The following DENND3 variants were observed in gnomAD, a reference collection of about 807,000 sequenced individuals.
DENND3 encodes the protein DENN domain containing 3.
In DENND3, 88 loss-of-function variants were observed where a neutral mutation model predicts 135.1. That is an observed-to-expected ratio of 0.65 (90% CI 0.55 to 0.78). The LOEUF (loss-of-function observed/expected upper bound fraction) is 0.78, where lower values mean the gene tolerates loss of function less well. Among genes scored for constraint, DENND3 ranks in the 30% least tolerant of loss-of-function variants. DENND3 has a pLI of 0.00. For synonymous variants in DENND3, 693 were observed against 712.3 expected (o/e 0.97, Z 0.43); for missense variants, 1,392 against 1,688.4 (o/e 0.82, Z 3.08).
In DENND3 at chr8:141,139,075, G is replaced by A. The variant is rs1205100299; in HGVS notation, c.501+938G>A. Among the ~76,000 whole-genome samples the A allele has an allele frequency of 6.6e-6, 1 of 152,166 alleles. No homozygotes were observed. Among genetic ancestry groups the A allele is most frequent in the African/African-American group, 2.4e-5 (1 of 41,442 alleles). On this transcript the variant is annotated intron_variant, in intron 3 of 22. Coordinates refer to ENST00000519811, the MANE Select transcript of DENND3 (RefSeq NM_001352890.3). The surrounding 1 kb of genome is among the most constrained non-coding windows in gnomAD (Gnocchi z 4.2). ...GAAACGATGTATCCAAAGGTGCAGG[G>A]TGACCTGCTGCACACGTCCAGAGGG...
chr8:141,178,726 C>A (rs533568937), intron 16 of DENND3, among the ~76,000 whole-genome samples: 2 of 152,212 alleles, frequency 1.3e-5, no homozygotes, highest in South Asian at 2.1e-4. Context: ...ATTGGGTCAG[C>A]TTCCCCAGAC....
chr8:141,143,621 G>A (rs2024986651), intron 4 of DENND3, among the ~76,000 whole-genome samples: 1 of 152,060 alleles, frequency 6.6e-6, no homozygotes, highest in Non-Finnish European at 1.5e-5. Context: ...GCGCAGGCTG[G>A]CCTTGAACTC....
chr8:141,157,959 C>T, intron 8 of DENND3: 5 of 992,566 alleles, frequency 5.0e-6, no homozygotes, highest in Admixed American at 5.0e-5. Flanking sequence ...AGGGTTTCAC[C>T]ATGTTGGCCA....
Position 141,144,142 on chromosome 8 carries a change from T to A in DENND3, c.624-6T>A. The A allele has an allele frequency of 6.2e-7, 1 of 1,602,246 alleles. No individual in the cohort carries two copies. Among genetic ancestry groups the A allele is most frequent in the East Asian group, 2.2e-5 (1 of 44,684 alleles). On this transcript the variant is annotated splice_region_variant and splice_polypyrimidine_tract_variant and intron_variant, in intron 4 of 22. Coordinates refer to ENST00000519811, the MANE Select transcript of DENND3 (RefSeq NM_001352890.3). The surrounding 1 kb of genome is among the most constrained non-coding windows in gnomAD (Gnocchi z 4.4). ...TGCGGTTTGAGTTTTGTGTTTCGAA[T>A]TTCAGTTTATTGGCTCTTCTGAAGC...
chr8:141,150,718 T>G, intron 5 of DENND3, 116 bp from the exon 6 acceptor site: 1 of 1,319,700 alleles, frequency 7.6e-7, no homozygotes, highest in Non-Finnish European at 1.0e-6. Context: ...GCAGCCTGTG[T>G]CTTCAGAAAT....
chr8:141,141,369 T>C lies in DENND3; in HGVS notation c.623+45T>C. The stretch of plus-strand genomic sequence containing the variant: ...GCCAGGGGTGGTAGGGGGCAGCTCT[T>C]TGTGCCTCTCCAGGTGAGCCAAGGG... On this transcript the variant is annotated intron_variant, in intron 4 of 22. Transcript: ENST00000519811. The surrounding 1 kb of genome is among the most constrained non-coding windows in gnomAD (Gnocchi z 5.3). The C allele has an allele frequency of 2.0e-6, 3 of 1,533,952 alleles. No individual in the cohort carries two copies. Among genetic ancestry groups the C allele is most frequent in the Non-Finnish European group, 2.6e-6 (3 of 1,133,706 alleles).
intron 13 of DENND3, among the ~76,000 whole-genome samples, chr8:141,170,110 T>C (rs550627141): frequency 1.4e-4 from 21 of 152,262 alleles, no homozygotes; most frequent in Non-Finnish European, 2.5e-4. Context: ...TCACAAACAG[T>C]GCACGTGCTT....
At position 141,192,564 on chromosome 8, in the gene DENND3, G is replaced by C; in HGVS notation, c.3537G>C (p.Glu1179Asp). ...QLWAACAGRSEVYIWSLKDLA... is the reference protein window; with the variant it reads ...QLWAACAGRSDVYIWSLKDLA... ...GGGCGGCCTGTGCAGGACGCAGCGA[G>C]GTTTACATCTGGAGCCTGAAGGACC... The change falls in exon 22 of 23, where the codon GAG becomes GAC. Residue 1179 changes from glutamate to aspartate, a missense_variant. Physicochemically the swap from Glu to Asp is conservative, Grantham distance 45. Transcript: ENST00000519811. 1 of 1,581,536 alleles carries C rather than the reference G, an allele frequency of 6.3e-7. No individual in the cohort carries two copies. Among genetic ancestry groups the C allele is most frequent in the Non-Finnish European group, 8.6e-7 (1 of 1,161,396 alleles).
rs1258373864 is a variant in DENND3 at position 141,167,385 on chromosome 8, C to A, written c.1754-619C>A. ...CCCTGGAGCCCCCATGACCCTCCTC[C>A]TGCTCTCTTGGTCCTCTGGAGCTCC... On this transcript the variant is annotated intron_variant, in intron 12 of 22. Transcript: ENST00000519811. This position sits in a 1 kb window ranked among gnomAD's most constrained non-coding sequence, Gnocchi z 4.1. Among the ~76,000 whole-genome samples, 1 of 152,224 alleles carries A rather than the reference C, an allele frequency of 6.6e-6. No individual in the cohort carries two copies. Among genetic ancestry groups the A allele is most frequent in the Non-Finnish European group, 1.5e-5 (1 of 68,022 alleles).
intron 5 of DENND3, among the ~76,000 whole-genome samples, chr8:141,148,979 C>T (rs943755802): frequency 2.0e-5 from 3 of 151,212 alleles, no homozygotes; most frequent in South Asian, 2.1e-4. Flanking sequence ...GGCACAGTCT[C>T]GGCTCACCGC....
At position 141,168,711 on chromosome 8, in the gene DENND3, C is replaced by T. The variant is rs988363442; in HGVS notation, c.2275+186C>T. Among the ~76,000 whole-genome samples the T allele has an allele frequency of 1.3e-4, 20 of 152,118 alleles. No homozygotes were observed. Among genetic ancestry groups the T allele is most frequent in the Admixed American group, 4.6e-4 (7 of 15,292 alleles). On this transcript the variant is annotated intron_variant, in intron 13 of 22. Transcript: ENST00000519811. This position sits in a 1 kb window ranked among gnomAD's most constrained non-coding sequence, Gnocchi z 6.2. ...GACTACAGGTACGCGACACCGTGCC[C>T]GGCTAATTTTAGTATTTTTTGTAGA... is the stretch of plus-strand genomic sequence containing the variant.
rs1201132437 is a variant in DENND3, at chr8:141,144,922, C to T, written c.735+663C>T. Among the ~76,000 whole-genome samples the T allele has an allele frequency of 6.6e-6, 1 of 152,192 alleles. No individual in the cohort carries two copies. Among genetic ancestry groups the T allele is most frequent in the Non-Finnish European group, 1.5e-5 (1 of 68,038 alleles). On this transcript the variant is annotated intron_variant, in intron 5 of 22. Coordinates refer to ENST00000519811, the MANE Select transcript of DENND3 (RefSeq NM_001352890.3). The surrounding 1 kb of genome is among the most constrained non-coding windows in gnomAD (Gnocchi z 4.4). The stretch of plus-strand genomic sequence containing the variant: ...TATAGCATCCATGACAGATAGCAGA[C>T]CCTGAAGAAAATCAAAGTATTTTAC...
intron 17 of DENND3, 139 bp from the exon 18 acceptor site, chr8:141,185,000 C>G (rs913881302): frequency 9.0e-7 from 1 of 1,105,732 alleles, no homozygotes; most frequent in Admixed American, 2.5e-5. Flanking sequence ...TCTGCCTGGG[C>G]ACGTCTTTGT....
At chr8:141,148,584 T>C (rs1389466398) in intron 5 of DENND3, among the ~76,000 whole-genome samples, 1 of 152,160 alleles carries the variant, frequency 6.6e-6, no homozygotes, top group African/African-American at 2.4e-5. Context: ...AAGCTGAGAT[T>C]TGGAAACTGT....
At chr8:141,153,487 G>A (rs1310614380) in intron 7 of DENND3, among the ~76,000 whole-genome samples, 1 of 152,214 alleles carries the variant, frequency 6.6e-6, no homozygotes, top group African/African-American at 2.4e-5. Flanking sequence ...CAGCTTCGCA[G>A]TCACCCCCAG....
intron 8 of DENND3, among the ~76,000 whole-genome samples, chr8:141,160,016 C>T (rs999371633): frequency 6.6e-6 from 1 of 152,150 alleles, no homozygotes; most frequent in Non-Finnish European, 1.5e-5. Flanking sequence ...CAAGAGGCAG[C>T]CTGACCTGGA....
intron 8 of DENND3, among the ~76,000 whole-genome samples, chr8:141,158,553 C>T (rs1216079769): frequency 6.6e-6 from 1 of 152,206 alleles, no homozygotes; most frequent in African/African-American, 2.4e-5. Context: ...ACAAGCTAAT[C>T]CCTGTGCCAT....
chr8:141,132,637 G>A (rs896032287), intron 1 of DENND3, among the ~76,000 whole-genome samples: 2 of 152,170 alleles, frequency 1.3e-5, no homozygotes, highest in African/African-American at 2.4e-5. Context: ...GATTACAGGC[G>A]TGAGCCACTG....
At chr8:141,159,319 G>A (rs1004515936) in intron 8 of DENND3, among the ~76,000 whole-genome samples, 2 of 152,182 alleles carry the variant, frequency 1.3e-5, no homozygotes, top group African/African-American at 4.8e-5. Context: ...CCATCACAGA[G>A]AAGATTGGCT....
Sources: allele counts gnomAD v4.1 joint callset (sites outside exome capture counted in the v4.1 genomes callset), GRCh38; gene constraint gnomAD v4.1.1; non-coding constraint Gnocchi (gnomAD v3.1); transcripts MANE v1.5; gene names NCBI Gene and HGNC (gene_info 2026-07-23, HGNC 2026-07-21).